LRBA: variants seen among roughly 807,000 people sequenced by gnomAD.
LRBA encodes the protein lipopolysaccharide-responsive and beige-like anchor protein.
LRBA carries 176 observed loss-of-function variants against 330.0 expected under a neutral mutation model. The ratio of observed to expected loss-of-function variants is 0.53; its 90% CI spans 0.47 to 0.60. LRBA has a LOEUF of 0.60. Ranked by LOEUF, LRBA falls within the 20% of genes least tolerant of loss-of-function variation. The pLI is 0.00. For synonymous variants in LRBA, 1,230 were observed against 1,193.0 expected (o/e 1.03, Z -0.64); for missense variants, 3,259 against 3,444.8 (o/e 0.95, Z 1.35).
At chr4:150,463,596 T>C (rs1755052271) in intron 44 of LRBA, among the ~76,000 whole-genome samples, 1 of 151,988 alleles carries the variant, frequency 6.6e-6, no homozygotes, top group African/African-American at 2.4e-5. Flanking sequence ...CTATTGATCA[T>C]CTACTGGGGC....
chr4:150,403,072 G>A (rs539840772), intron 47 of LRBA, among the ~76,000 whole-genome samples: 14 of 152,244 alleles, frequency 9.2e-5, no homozygotes, highest in African/African-American at 2.9e-4. Flanking sequence ...GTCATTTATC[G>A]GGTAACCCTG....
chr4:150,699,286 T>A (rs1276425534), intron 36 of LRBA, among the ~76,000 whole-genome samples: 1 of 152,072 alleles, frequency 6.6e-6, no homozygotes, highest in Non-Finnish European at 1.5e-5. Flanking sequence ...GAGTGTGGCC[T>A]ATGAATCCTA....
At chr4:150,616,720 T>C (rs1775804046) in intron 37 of LRBA, among the ~76,000 whole-genome samples, 1 of 152,166 alleles carries the variant, frequency 6.6e-6, no homozygotes, top group African/African-American at 2.4e-5. Flanking sequence ...CAAGTAGAAA[T>C]AAATCTTTCA....
chr4:150,269,461 A>C (rs768740770), intron 56 of LRBA, among the ~76,000 whole-genome samples: 4 of 152,206 alleles, frequency 2.6e-5, no homozygotes, highest in Admixed American at 1.3e-4. Flanking sequence ...ACTCTTACCT[A>C]CCATTATATT....
intron 50 of LRBA, among the ~76,000 whole-genome samples, chr4:150,317,574 G>A (rs1007903851): frequency 5.3e-5 from 8 of 152,132 alleles, no homozygotes; most frequent in Non-Finnish European, 1.2e-4. Context: ...ACTCACAAGG[G>A]AGGACCAGGA....
intron 37 of LRBA, among the ~76,000 whole-genome samples, chr4:150,663,851 G>A (rs1283400267): frequency 2.6e-5 from 4 of 152,144 alleles, no homozygotes; most frequent in Admixed American, 2.6e-4. Context: ...GCTTCTGAGA[G>A]AAAGAAGAGG....
intron 37 of LRBA, among the ~76,000 whole-genome samples, chr4:150,649,072 CCTT>C (rs1254746630): frequency 6.6e-6 from 1 of 152,096 alleles, no homozygotes; most frequent in Non-Finnish European, 1.5e-5. Flanking sequence ...GGTCACTGCT[CCTT>C]CTTAAGACCA....
chr4:150,530,969 G>A (rs1026758555), intron 40 of LRBA, among the ~76,000 whole-genome samples: 2 of 152,098 alleles, frequency 1.3e-5, no homozygotes, highest in Admixed American at 6.6e-5. Context: ...CCAGCGACAC[G>A]AATTCAGTAA....
At chr4:150,923,276 C>A (rs1733520123) in intron 4 of LRBA, among the ~76,000 whole-genome samples, 1 of 151,874 alleles carries the variant, frequency 6.6e-6, no homozygotes, top group Non-Finnish European at 1.5e-5. Context: ...ACTTCTTTAG[C>A]CTCATTTTGC....
chr4:150,642,816 ATGT>A (rs1778804719), intron 37 of LRBA, among the ~76,000 whole-genome samples: 1 of 151,894 alleles, frequency 6.6e-6, no homozygotes, highest in Non-Finnish European at 1.5e-5. Flanking sequence ...TATATAGCAA[ATGT>A]TGTTTATTAT....
At chr4:151,007,459 C>G (rs1001069568) in intron 2 of LRBA, among the ~76,000 whole-genome samples, 2 of 148,740 alleles carry the variant, frequency 1.3e-5, no homozygotes, top group East Asian at 2.0e-4. Context: ...GAGCGGAGAT[C>G]GCGCCACTGC....
At chr4:150,651,877 A>C (rs1437038134) in intron 37 of LRBA, among the ~76,000 whole-genome samples, 2 of 152,108 alleles carry the variant, frequency 1.3e-5, no homozygotes, top group Non-Finnish European at 2.9e-5. Flanking sequence ...TGATTGATTG[A>C]TTTAGAGACA....
chr4:150,475,260 T>C (rs138712659), intron 42 of LRBA, among the ~76,000 whole-genome samples: 1 of 152,294 alleles, frequency 6.6e-6, no homozygotes, highest in African/African-American at 2.4e-5. Context: ...TGTAATGTCT[T>C]TGTCTGGCAG....
chr4:150,802,130 G>A (rs949776431), intron 33 of LRBA, among the ~76,000 whole-genome samples: 8 of 150,922 alleles, frequency 5.3e-5, no homozygotes, highest in African/African-American at 1.9e-4. Flanking sequence ...TAAGGTGGGA[G>A]GATCAACTGA....
Position 150,489,033 on chromosome 4 carries a change from TTA to T in LRBA, c.6449-1201_6449-1200del, listed in dbSNP as rs1449812497. ...AATATATTATATATAAGAATATATA[TTA>T]TATATAATATATTATATATAAGAAT... On this transcript the variant is annotated intron_variant, in intron 41 of 56. Transcript: ENST00000651943. Among the ~76,000 whole-genome samples the T allele has an allele frequency of 8.9e-4, 99 of 111,534 alleles. 1 individual carries two copies. The highest frequency in any genetic ancestry group is 3.7e-3 in the African/African-American group (97 of 26,494). 73.2% of individuals were successfully genotyped at this position (111,534 alleles called of 152,430 possible).
At chr4:150,974,951 T>C (rs1231734247) in intron 2 of LRBA, among the ~76,000 whole-genome samples, 1 of 152,196 alleles carries the variant, frequency 6.6e-6, no homozygotes, top group Admixed American at 6.5e-5. Context: ...GGCCAAAACT[T>C]GTGGTCTGAC....
chr4:150,831,757 T>C, intron 29 of LRBA, 60 bp downstream of exon 29: 1 of 1,323,546 alleles, frequency 7.6e-7, no homozygotes, highest in Non-Finnish European at 1.0e-6. Context: ...ATTTTAACCA[T>C]CAAAAGTAAG....
At chr4:150,633,815 T>C (rs952093228) in intron 37 of LRBA, among the ~76,000 whole-genome samples, 3 of 152,128 alleles carry the variant, frequency 2.0e-5, no homozygotes, top group Non-Finnish European at 4.4e-5. Flanking sequence ...TCAGGCTTCT[T>C]GTTTAAATAC....
chr4:150,587,475 G>C (rs1014689466), intron 40 of LRBA, among the ~76,000 whole-genome samples: 1 of 152,084 alleles, frequency 6.6e-6, no homozygotes, highest in African/African-American at 2.4e-5. Flanking sequence ...AAACAAAGTT[G>C]CCAGGGTCTG....
Sources: gnomAD v4.1 joint callset for allele counts (sites outside exome capture counted in the v4.1 genomes callset) on GRCh38, gnomAD v4.1.1 for gene constraint, MANE v1.5 for transcripts, NCBI Gene and HGNC (gene_info 2026-07-23, HGNC 2026-07-21) for gene names.